APBB2: variants seen among roughly 807,000 people sequenced by gnomAD.
The protein encoded by APBB2 is Fe65-like 1.
In APBB2, 38 loss-of-function variants were observed where a neutral mutation model predicts 82.5. The ratio of observed to expected loss-of-function variants is 0.46; its 90% CI spans 0.36 to 0.60. APBB2 has a LOEUF of 0.60. Ranked by LOEUF, APBB2 falls within the 20% of genes least tolerant of loss-of-function variation. The pLI, the probability that APBB2 is intolerant of heterozygous loss-of-function variation, is 0.00. For synonymous variants in APBB2, 341 were observed against 368.2 expected, an observed-to-expected ratio of 0.93 and a Z score of 0.85; for missense variants, 772 against 972.3, an observed-to-expected ratio of 0.79 and a Z score of 2.74.
chr4:40,869,108 A>G (rs533222528), intron 12 of APBB2, among the ~76,000 whole-genome samples: 1 of 152,064 alleles, frequency 6.6e-6, no homozygotes, highest in South Asian at 2.1e-4. Context: ...GGCTCACTGC[A>G]ATCTCCACCT....
chr4:40,923,060 C>T (rs964707015), intron 10 of APBB2, among the ~76,000 whole-genome samples: 12 of 117,958 alleles, frequency 1.0e-4, no homozygotes, highest in Non-Finnish European at 1.3e-4. Context: ...CTGCAAGCTC[C>T]GCCCTCCCAG....
chr4:40,972,445 T>TAATAAATAAATAAATAAATA lies in APBB2; in HGVS notation c.836-27373_836-27372insTATTTATTTATTTATTTATT, dbSNP rs1553888325. Among the ~76,000 whole-genome samples the TAATAAATAAATAAATAAATA allele has an allele frequency of 4.5e-3, 665 of 147,062 alleles. 2 individuals carry two copies. Among genetic ancestry groups the TAATAAATAAATAAATAAATA allele is most frequent in the African/African-American group, 0.011 (450 of 39,816 alleles). On this transcript the variant is annotated intron_variant, in intron 6 of 17. Transcript: ENST00000508593. Reference sequence around the variant, plus strand: ...TCCATCTCAAAAAAAAAAAAAATAATAATAAATAAATAAATAAAATAGCAA... The same window carrying TAATAAATAAATAAATAAATA: ...TCCATCTCAAAAAAAAAAAAAATAATAATAAATAAATAAATAAATAAATAAATAAATAAATAAAATAGCAA...
intron 1 of APBB2, among the ~76,000 whole-genome samples, chr4:41,149,352 CAA>C (rs1761608148): frequency 6.6e-6 from 1 of 151,546 alleles, no homozygotes; most frequent in Non-Finnish European, 1.5e-5. Context: ...TCTGTCTTAG[CAA>C]AGTTTCTTTT....
At chr4:40,855,185 T>C (rs1760778077) in intron 12 of APBB2, among the ~76,000 whole-genome samples, 1 of 152,118 alleles carries the variant, frequency 6.6e-6, no homozygotes, top group African/African-American at 2.4e-5. Context: ...CTTGGTGTCA[T>C]CCACACTGCT....
intron 1 of APBB2, among the ~76,000 whole-genome samples, chr4:41,212,367 T>A (rs1307801044): frequency 2.0e-5 from 3 of 152,158 alleles, no homozygotes; most frequent in Non-Finnish European, 4.4e-5. Flanking sequence ...AGAAACAGGA[T>A]CTCACTCTGT....
chr4:41,101,139 G>A (rs1745183739), intron 2 of APBB2, among the ~76,000 whole-genome samples: 1 of 152,186 alleles, frequency 6.6e-6, no homozygotes, highest in African/African-American at 2.4e-5. Context: ...CCAAACATGA[G>A]CTCATCTTAT....
chr4:41,009,934 T>C (rs1807847077), intron 6 of APBB2, among the ~76,000 whole-genome samples: 1 of 152,238 alleles, frequency 6.6e-6, no homozygotes. Context: ...ATGATTATTT[T>C]AAACACTAAC....
At chr4:40,825,836 G>T (rs1340793338) in intron 15 of APBB2, 51 bp downstream of exon 15, 1 of 1,507,194 alleles carries the variant, frequency 6.6e-7, no homozygotes, top group Non-Finnish European at 9.2e-7. Context: ...AACGCCTCCT[G>T]TGAGCTCCCG....
intron 6 of APBB2, among the ~76,000 whole-genome samples, chr4:40,979,791 T>C (rs963163912): frequency 2.2e-4 from 33 of 152,316 alleles, no homozygotes; most frequent in Middle Eastern, 3.4e-3. Flanking sequence ...GAGGACCCCA[T>C]GTCTCAGAAG....
chr4:40,844,304 G>A (rs761068807), intron 12 of APBB2, among the ~76,000 whole-genome samples: 6 of 152,164 alleles, frequency 3.9e-5, no homozygotes, highest in Non-Finnish European at 8.8e-5. Context: ...CCTCATCATT[G>A]AAGAGGGGAT....
At chr4:40,841,209 C>T (rs1755694735) in intron 12 of APBB2, among the ~76,000 whole-genome samples, 1 of 152,122 alleles carries the variant, frequency 6.6e-6, no homozygotes, top group African/African-American at 2.4e-5. Flanking sequence ...CAGGAAATAC[C>T]AGCTGAGGAC....
intron 6 of APBB2, among the ~76,000 whole-genome samples, chr4:41,002,150 C>A (rs1445900483): frequency 2.0e-5 from 3 of 152,188 alleles, no homozygotes; most frequent in Non-Finnish European, 4.4e-5. Flanking sequence ...ACAAGGGTAA[C>A]TGGTAACTAC....
chr4:40,929,696 T>C lies in APBB2; in HGVS notation c.1254+4760A>G, dbSNP rs570189976. ...ACAAAGCCTAGAGTGAACTGATACG[T>C]GGACAAAGAGGAGTACTCTAGGATA... is the stretch of plus-strand genomic sequence containing the variant. On this transcript the variant is annotated intron_variant, in intron 10 of 17. Transcript: ENST00000508593. Among the ~76,000 whole-genome samples, 12 of 152,280 alleles carry C rather than the reference T, an allele frequency of 7.9e-5. No homozygotes were observed. The East Asian group carries it at 2.3e-3, about 29-fold the overall frequency.
At chr4:40,995,085 A>C (rs1012851474) in intron 6 of APBB2, among the ~76,000 whole-genome samples, 1 of 152,144 alleles carries the variant, frequency 6.6e-6, no homozygotes, top group Non-Finnish European at 1.5e-5. Flanking sequence ...AGACTATCCC[A>C]GCCTGAGACC....
intron 6 of APBB2, among the ~76,000 whole-genome samples, chr4:40,984,880 G>A (rs760764524): frequency 2.0e-5 from 3 of 151,976 alleles, no homozygotes; most frequent in Non-Finnish European, 4.4e-5. Flanking sequence ...GGTGAACACC[G>A]TATTTAGCAT....
intron 6 of APBB2, among the ~76,000 whole-genome samples, chr4:40,984,407 G>T (rs1259026323): frequency 2.0e-5 from 3 of 152,034 alleles, no homozygotes; most frequent in African/African-American, 7.2e-5. Context: ...AGTTGATCAT[G>T]GAAAATAAGC....
At position 40,851,738 on chromosome 4, in the gene APBB2, ATTTTTTTT is replaced by A. The variant is rs869027470; in HGVS notation, c.1530-21169_1530-21162del. Among the ~76,000 whole-genome samples, 168 of 67,700 alleles carry A rather than the reference ATTTTTTTT, an allele frequency of 2.5e-3. 1 individual carries two copies. The highest frequency in any genetic ancestry group is 8.9e-3 in the Middle Eastern group (1 of 112). 44.4% of individuals were successfully genotyped at this position (67,700 alleles called of 152,430 possible). On this transcript the variant is annotated intron_variant, in intron 12 of 17. Transcript: ENST00000508593. ...TATGCATATATATATATATATATAT[ATTTTTTTT>A]TTTTTTTTTTTTCAAAACCAAACCA...
At chr4:40,880,122 G>A (rs1342832683) in intron 12 of APBB2, 5 of 985,258 alleles carry the variant, frequency 5.1e-6, no homozygotes, top group Admixed American at 6.1e-5. Context: ...TCTCCAGTGC[G>A]GATGGAGACA....
intron 4 of APBB2, among the ~76,000 whole-genome samples, chr4:41,049,344 G>A (rs1156471316): frequency 6.8e-6 from 1 of 146,194 alleles, no homozygotes; most frequent in South Asian, 2.3e-4. Context: ...GAGCGTCTCC[G>A]ACCGGCAGCC....
Sources: gnomAD v4.1 joint callset for allele counts (sites outside exome capture counted in the v4.1 genomes callset) on GRCh38, gnomAD v4.1.1 for gene constraint, MANE v1.5 for transcripts, NCBI Gene and HGNC (gene_info 2026-07-23, HGNC 2026-07-21) for gene names.